PLA2G4E: variants seen among roughly 807,000 people sequenced by gnomAD.
PLA2G4E encodes the protein cytosolic phospholipase A2 epsilon.
In PLA2G4E, 84 loss-of-function variants were observed where a neutral mutation model predicts 109.1. The ratio of observed to expected loss-of-function variants is 0.77; its 90% CI spans 0.65 to 0.92. The LOEUF (loss-of-function observed/expected upper bound fraction) is 0.92. PLA2G4E is among the 40% of genes least tolerant of loss of function. The probability of loss-of-function intolerance (pLI) is 0.00; values close to 1 mark genes in which losing one functional copy is unlikely to be tolerated. For synonymous variants in PLA2G4E, 469 were observed against 436.1 expected (o/e 1.08, Z -0.94); for missense variants, 1,057 against 1,076.6 (o/e 0.98, Z 0.25).
At chr15:42,009,099 C>T (rs761818756) in intron 2 of PLA2G4E, 1 of 152,144 alleles carries the variant, frequency 6.6e-6, no homozygotes, top group African/African-American at 2.4e-5. Context: ...CAGCCCTCCT[C>T]CTATTGAAGA....
intron 12 of PLA2G4E, among the ~76,000 whole-genome samples, chr15:41,993,606 G>C (rs2068287403): frequency 6.6e-6 from 1 of 151,994 alleles, no homozygotes; most frequent in African/African-American, 2.4e-5. Flanking sequence ...ACTAGCCCTG[G>C]GTCTGGCCTC....
intron 1 of PLA2G4E, among the ~76,000 whole-genome samples, chr15:42,038,938 A>T (rs962196125): frequency 2.0e-5 from 3 of 152,190 alleles, no homozygotes; most frequent in Non-Finnish European, 4.4e-5. Context: ...ATGGGGTATC[A>T]TCTGACTTTT....
At chr15:41,998,814 G>T (rs988384145) in intron 10 of PLA2G4E, 1 of 152,262 alleles carries the variant, frequency 6.6e-6, no homozygotes, top group Non-Finnish European at 1.5e-5. Context: ...AGCACTTTGG[G>T]AAGCCGAGGA....
In PLA2G4E at chr15:41,987,896, G is replaced by A. The variant is rs574295406; in HGVS notation, c.1831+153C>T. Among the ~76,000 whole-genome samples the A allele has an allele frequency of 9.9e-3, 1,483 of 149,526 alleles. 28 individuals carry two copies. Among genetic ancestry groups the A allele is most frequent in the African/African-American group, 0.035 (1,417 of 40,442 alleles). On this transcript the variant is annotated intron_variant, in intron 16 of 19. Coordinates refer to ENST00000399518, the Ensembl canonical transcript of PLA2G4E. Reference sequence around the variant, plus strand: ...CAGCCATGAGGGAAAGCCGGGGGCCGCCCCCCATCACCCAGCCATGAGGGA... The same window carrying A: ...CAGCCATGAGGGAAAGCCGGGGGCCACCCCCCATCACCCAGCCATGAGGGA...
intron 5 of PLA2G4E, 64 bp from the exon 6 acceptor site, chr15:42,002,760 G>T: frequency 1.4e-6 from 2 of 1,395,738 alleles, no homozygotes; most frequent in South Asian, 1.2e-5. Context: ...TTCTAATGGC[G>T]ACAAAGGGAA....
chr15:41,997,359 T>C, intron 10 of PLA2G4E, 100 bp from the exon 11 acceptor site: 6 of 1,316,784 alleles, frequency 4.6e-6, no homozygotes, highest in Non-Finnish European at 6.0e-6. Flanking sequence ...AGCCTACTTC[T>C]GCCAGCGACC....
At chr15:41,996,665 G>T (rs573757876) in intron 11 of PLA2G4E, among the ~76,000 whole-genome samples, 105 of 152,348 alleles carry the variant, frequency 6.9e-4, no homozygotes, top group Admixed American at 5.4e-3. Flanking sequence ...CCCTAGGAGT[G>T]CAAGTTGCTT....
chr15:42,036,401 C>G (rs1889215745), intron 1 of PLA2G4E, among the ~76,000 whole-genome samples: 1 of 152,196 alleles, frequency 6.6e-6, no homozygotes, highest in Non-Finnish European at 1.5e-5. Flanking sequence ...ACTGGGGATG[C>G]GCTTCTGGGG....
intron 13 of PLA2G4E, among the ~76,000 whole-genome samples, chr15:41,992,009 G>A (rs1566836723): frequency 6.6e-6 from 1 of 152,184 alleles, no homozygotes; most frequent in Non-Finnish European, 1.5e-5. Context: ...GTGCTGGGTA[G>A]CAGCTCTCAC....
intron 13 of PLA2G4E, among the ~76,000 whole-genome samples, chr15:41,991,438 A>T (rs868314786): frequency 7.2e-5 from 11 of 152,090 alleles, no homozygotes; most frequent in African/African-American, 2.6e-4. Context: ...ATCCTGACTG[A>T]ATCCCAAGGC....
At chr15:42,028,396 T>C (rs916839235) in intron 1 of PLA2G4E, among the ~76,000 whole-genome samples, 4 of 150,032 alleles carry the variant, frequency 2.7e-5, no homozygotes, top group Non-Finnish European at 5.9e-5. Context: ...TATTTATTTA[T>C]TTATTTATTT....
At chr15:42,047,353 C>T (rs1461575315) in intron 1 of PLA2G4E, among the ~76,000 whole-genome samples, 1 of 152,154 alleles carries the variant, frequency 6.6e-6, no homozygotes, top group Non-Finnish European at 1.5e-5. Flanking sequence ...GGCCTTCTTG[C>T]TGTGTCATTC....
intron 2 of PLA2G4E, among the ~76,000 whole-genome samples, chr15:42,011,151 A>T (rs1049390874): frequency 1.3e-5 from 2 of 152,242 alleles, no homozygotes; most frequent in African/African-American, 2.4e-5. Context: ...AAACGTAAGC[A>T]ACAGGGGGGT....
intron 1 of PLA2G4E, among the ~76,000 whole-genome samples, chr15:42,041,320 G>GAA (rs34543969): frequency 0.011 from 1,674 of 151,346 alleles, 29 homozygotes; most frequent in African/African-American, 0.039. Context: ...TGGGTAAAAG[G>GAA]AAAAAAAAAG....
At chr15:42,048,408 T>C (rs1019464235) in intron 1 of PLA2G4E, among the ~76,000 whole-genome samples, 1 of 152,260 alleles carries the variant, frequency 6.6e-6, no homozygotes, top group Non-Finnish European at 1.5e-5. Context: ...TGGCCCTTTA[T>C]GTTTTCCAAA....
chr15:42,021,158 G>T (rs138881417), intron 1 of PLA2G4E, among the ~76,000 whole-genome samples, 116 bp from the exon 1 acceptor site: 130 of 151,976 alleles, frequency 8.6e-4, no homozygotes, highest in African/African-American at 2.9e-3. Flanking sequence ...TAGACAGATA[G>T]GGTGCATGGG....
intron 6 of PLA2G4E, among the ~76,000 whole-genome samples, chr15:42,002,288 G>GCT: frequency 2.2e-5 from 1 of 44,808 alleles, no homozygotes; most frequent in African/African-American, 1.4e-4. Flanking sequence ...AAAAAAAAAA[G>GCT]GTAAACTGTG....
intron 2 of PLA2G4E, chr15:42,010,132 G>GCACCCCCCCCCCCCCCC: frequency 2.4e-6 from 1 of 417,170 alleles, no homozygotes; most frequent in Non-Finnish European, 4.7e-6. Context: ...CAGAACACTG[G>GCACCCCCCCCCCCCCCC]CCCCCCCACC....
intron 1 of PLA2G4E, among the ~76,000 whole-genome samples, chr15:42,022,243 C>T (rs1175477000): frequency 2.0e-5 from 3 of 152,158 alleles, no homozygotes; most frequent in African/African-American, 7.2e-5. Flanking sequence ...GAGGGGGCAT[C>T]TTAGAAGGAT....
Sources: allele counts gnomAD v4.1 joint callset (sites outside exome capture counted in the v4.1 genomes callset), GRCh38; gene constraint gnomAD v4.1.1; transcripts MANE v1.5; gene names NCBI Gene and HGNC (gene_info 2026-07-23, HGNC 2026-07-21).